FRMD6: variants seen among roughly 807,000 people sequenced by gnomAD.
The protein encoded by FRMD6 is FERM domain-containing protein 6.
In FRMD6, 37 loss-of-function variants were observed where a neutral mutation model predicts 73.2. The ratio of observed to expected loss-of-function variants is 0.51; its 90% CI spans 0.39 to 0.66. The LOEUF is 0.66. FRMD6 is among the 30% of genes least tolerant of loss of function. The probability of loss-of-function intolerance (pLI) is 0.00; values close to 1 mark genes in which losing one functional copy is unlikely to be tolerated. For synonymous variants in FRMD6, 273 were observed against 282.2 expected (o/e 0.97, Z 0.33); for missense variants, 714 against 780.5 (o/e 0.91, Z 1.02).
the FRMD6 span, among the ~76,000 whole-genome samples, chr14:51,454,268 A>G: frequency 6.6e-6 from 1 of 152,262 alleles, no homozygotes. Context: ...GTTTTTAAAC[A>G]TAACTTTGCT....
chr14:51,664,269 C>T (rs1893421638), intron 1 of FRMD6, among the ~76,000 whole-genome samples: 1 of 152,156 alleles, frequency 6.6e-6, no homozygotes, highest in African/African-American at 2.4e-5. Context: ...TTTTAAATAC[C>T]TTGTTGATGA....
rs1308918625 is a variant in FRMD6 at position 51,526,426 on chromosome 14, A to G, written c.-210+37006A>G. Among the ~76,000 whole-genome samples the G allele has an allele frequency of 2.6e-5, 4 of 152,214 alleles. No homozygotes were observed. In the South Asian group the frequency reaches 6.2e-4, roughly 24 times the overall value. ...TATTCTCAGGAGAATCCCCCAATCA[A>G]TAACTGACAGGAGTTAGAATATAAA... On this transcript the variant is annotated intron_variant, in intron 1 of 14. Coordinates refer to the FRMD6 transcript ENST00000356218.
At chr14:51,611,768 A>C (rs893917960) in intron 2 of FRMD6, among the ~76,000 whole-genome samples, 13 of 152,208 alleles carry the variant, frequency 8.5e-5, no homozygotes, top group Non-Finnish European at 4.4e-5. Flanking sequence ...CATACTACCA[A>C]CTTGCTGGAT....
intron 2 of FRMD6, among the ~76,000 whole-genome samples, chr14:51,629,766 C>T (rs931117065): frequency 6.6e-6 from 1 of 152,212 alleles, no homozygotes; most frequent in East Asian, 1.9e-4. Flanking sequence ...TGGCCAGTTG[C>T]TACTAGTTAG....
At chr14:51,647,090 A>C (rs935005379), upstream of FRMD6, among the ~76,000 whole-genome samples, 9 of 152,222 alleles carry the variant, frequency 5.9e-5, no homozygotes. Context: ...AGTTCTTTAA[A>C]TACATCCCCT....
intron 2 of FRMD6, among the ~76,000 whole-genome samples, chr14:51,622,866 A>G (rs979290906): frequency 1.3e-5 from 2 of 152,178 alleles, no homozygotes; most frequent in African/African-American, 4.8e-5. Flanking sequence ...TCAGGACTCA[A>G]GCGATCGTCC....
At chr14:51,715,665 G>A (rs1474424831) in intron 10 of FRMD6, among the ~76,000 whole-genome samples, 166 bp downstream of exon 10, 2 of 152,194 alleles carry the variant, frequency 1.3e-5, no homozygotes, top group Admixed American at 6.5e-5. Flanking sequence ...GAAGGCAAAG[G>A]GTTAGGCTTG....
intron 1 of FRMD6, chr14:51,491,449 T>C (rs1305277036): frequency 6.6e-6 from 1 of 152,172 alleles, no homozygotes; most frequent in Non-Finnish European, 1.5e-5. Context: ...TATGCTGCCA[T>C]GGGGGAAATG....
intron 1 of FRMD6, among the ~76,000 whole-genome samples, chr14:51,559,837 G>A (rs1887378865): frequency 6.6e-6 from 1 of 152,128 alleles, no homozygotes; most frequent in Admixed American, 6.5e-5. Flanking sequence ...TATACAAAGT[G>A]GTGGAAACAC....
At chr14:51,577,134 C>CTGT (rs1888448998) in intron 2 of FRMD6, among the ~76,000 whole-genome samples, 1 of 152,102 alleles carries the variant, frequency 6.6e-6, no homozygotes, top group South Asian at 2.1e-4. Flanking sequence ...TTTGTTTCTT[C>CTGT]TGTTGGTATT....
chr14:51,484,819 A>G (rs912061410), upstream of FRMD6, among the ~76,000 whole-genome samples: 1 of 152,246 alleles, frequency 6.6e-6, no homozygotes, highest in African/African-American at 2.4e-5. Flanking sequence ...CTTCCTATCC[A>G]ACTGCAATGT....
At chr14:51,684,617 T>C (rs1895026121) in intron 1 of FRMD6, among the ~76,000 whole-genome samples, 1 of 152,130 alleles carries the variant, frequency 6.6e-6, no homozygotes, top group Non-Finnish European at 1.5e-5. Context: ...TTCTGGAATG[T>C]CTGAGGGCAT....
intron 2 of FRMD6, among the ~76,000 whole-genome samples, chr14:51,692,595 A>G (rs899009854): frequency 2.4e-4 from 36 of 152,294 alleles, no homozygotes; most frequent in African/African-American, 8.4e-4. Context: ...ATAATTTTCA[A>G]ATAAATTAAT....
chr14:51,575,933 G>A (rs576511750), intron 2 of FRMD6: 7 of 152,254 alleles, frequency 4.6e-5, no homozygotes, highest in African/African-American at 1.7e-4. Context: ...AAAGTAGGTG[G>A]AGACCCCATC....
At chr14:51,657,845 T>C (rs1167832779) in intron 1 of FRMD6, among the ~76,000 whole-genome samples, 1 of 152,154 alleles carries the variant, frequency 6.6e-6, no homozygotes, top group African/African-American at 2.4e-5. Context: ...CAGATTTCAA[T>C]TGAGAATTGG....
chr14:51,655,923 C>G (rs1390617327), intron 1 of FRMD6, among the ~76,000 whole-genome samples: 1 of 152,182 alleles, frequency 6.6e-6, no homozygotes, highest in African/African-American at 2.4e-5. Context: ...AAAGCCACTT[C>G]CCATTTCAAA....
At chr14:51,459,008 C>T in the FRMD6 span, among the ~76,000 whole-genome samples, 1 of 152,226 alleles carries the variant, frequency 6.6e-6, no homozygotes, top group Non-Finnish European at 1.5e-5. Flanking sequence ...ATCCCTCCTC[C>T]TTCGTATCTG....
chr14:51,447,561 C>T, the FRMD6 span, among the ~76,000 whole-genome samples: 2 of 152,214 alleles, frequency 1.3e-5, no homozygotes, highest in African/African-American at 4.8e-5. Flanking sequence ...CTCAGGGCAG[C>T]AGTTACAAAT....
rs112729833 is a variant in FRMD6, at chr14:51,676,514, G to T, written c.-146-13177G>T. 6.8e-3 allele frequency among the ~76,000 whole-genome samples: 1,030 copies of T among 152,198 alleles called. 14 individuals are homozygous for T. Among genetic ancestry groups the T allele is most frequent in the African/African-American group, 0.024 (982 of 41,512 alleles). On this transcript the variant is annotated intron_variant, in intron 1 of 13. Coordinates refer to ENST00000344768, the MANE Select transcript of FRMD6 (RefSeq NM_001267046.2). Reference sequence around the variant, plus strand: ...TAAACTCTGCATAGGATCCGTAATGGATTCATCTTTTGTGAAATGTAGCAG... The same window carrying T: ...TAAACTCTGCATAGGATCCGTAATGTATTCATCTTTTGTGAAATGTAGCAG...
Sources: gnomAD v4.1 joint callset for allele counts (sites outside exome capture counted in the v4.1 genomes callset) on GRCh38, gnomAD v4.1.1 for gene constraint, MANE v1.5 for transcripts, NCBI Gene and HGNC (gene_info 2026-07-23, HGNC 2026-07-21) for gene names.